BCR: variants seen among roughly 807,000 people sequenced by gnomAD.
The protein encoded by BCR is BCR activator of RhoGEF and GTPase, also known as breakpoint cluster region protein.
In BCR, 58 loss-of-function variants were observed where a neutral mutation model predicts 138.6. The observed-to-expected ratio is 0.42, with a 90% CI of 0.34 to 0.52. BCR has a LOEUF of 0.52. BCR is among the 20% of genes least tolerant of loss of function. The pLI, the probability that BCR is intolerant of heterozygous loss-of-function variation, is 0.06. For missense variants in BCR, 1,599 were observed against 1,727.2 expected (o/e 0.93, Z 1.32); for synonymous variants, 786 against 730.1 (o/e 1.08, Z -1.23).
chr22:23,314,416 C>T, intron 21 of BCR, 136 bp from the exon 22 acceptor site: 1 of 1,043,780 alleles, frequency 9.6e-7, no homozygotes, highest in South Asian at 1.4e-5. Flanking sequence ...CCCAGAAGTA[C>T]CAGGGCTGGA....
At chr22:23,208,229 C>A (rs1446004449) in intron 1 of BCR, among the ~76,000 whole-genome samples, 3 of 152,114 alleles carry the variant, frequency 2.0e-5, no homozygotes, top group Non-Finnish European at 4.4e-5. Context: ...TGGAACCCAC[C>A]CGGCTGGCAG....
chr22:23,210,982 G>A lies in BCR; in HGVS notation c.1279+28743G>A, dbSNP rs543928200. Among the ~76,000 whole-genome samples the A allele has an allele frequency of 5.9e-5, 9 of 152,240 alleles. No homozygotes were observed. In the South Asian group the frequency reaches 1.9e-3, roughly 32 times the overall value. On this transcript the variant is annotated intron_variant, in intron 1 of 22. Coordinates refer to ENST00000305877, the MANE Select transcript of BCR (RefSeq NM_004327.4). ...GTGGTTAGTATTATCTCAGAGTTGT[G>A]CAGTCATCATCACTGTCTGATTGCA...
At chr22:23,218,907 C>G (rs962359691) in intron 1 of BCR, among the ~76,000 whole-genome samples, 4 of 152,138 alleles carry the variant, frequency 2.6e-5, no homozygotes, top group South Asian at 2.1e-4. Context: ...GGCCCCTTGC[C>G]GAGGGTGAGG....
intron 4 of BCR, chr22:23,263,220 C>CAGA: frequency 1.0e-6 from 1 of 978,700 alleles, no homozygotes. Context: ...GCTCTGGCGC[C>CAGA]TGCCGGAAGT....
At chr22:23,227,608 G>A (rs964608795) in intron 1 of BCR, among the ~76,000 whole-genome samples, 1 of 152,234 alleles carries the variant, frequency 6.6e-6, no homozygotes, top group African/African-American at 2.4e-5. Context: ...TGGTGACACA[G>A]GGCATTGGCC....
intron 1 of BCR, among the ~76,000 whole-genome samples, chr22:23,208,930 C>G (rs1417217499): frequency 6.6e-6 from 1 of 152,208 alleles, no homozygotes; most frequent in Non-Finnish European, 1.5e-5. Flanking sequence ...AACCACTGTT[C>G]TACTTTCTGT....
chr22:23,312,854 A>G (rs2074023434), intron 19 of BCR, 33 bp from the exon 20 acceptor site: 1 of 1,595,750 alleles, frequency 6.3e-7, no homozygotes, highest in Non-Finnish European at 8.5e-7. Flanking sequence ...CGGGATCCTC[A>G]AGGAGGCCGC....
chr22:23,289,480 A>C (rs1273952823), intron 12 of BCR, 37 bp from the exon 13 acceptor site: 2 of 1,561,840 alleles, frequency 1.3e-6, no homozygotes, highest in Admixed American at 3.3e-5. Flanking sequence ...CAAGGAGCAG[A>C]TTGACCAATT....
At position 23,180,932 on chromosome 22, in the gene BCR, C is replaced by T. The variant is rs772384988; in HGVS notation, c.-29C>T. 1.7e-6 allele frequency: 2 copies of T among 1,149,890 alleles called. No homozygotes were observed. The highest frequency in any genetic ancestry group is 2.2e-6 in the Non-Finnish European group (2 of 927,842). 71.2% of individuals were successfully genotyped at this position (1,149,890 alleles called of 1,614,324 possible). A position where few individuals can be genotyped will look rare whatever the true frequency, so the allele number is the denominator to read the frequency against. On this transcript the variant is annotated 5_prime_UTR_variant, in exon 1 of 23. Transcript: ENST00000305877. ...CGCTGAGACGGGCCCCGCGCGCAGC[C>T]CGGCGGCGCAGGTAAGGCCGGCCGC...
chr22:23,230,763 G>A (rs2072948537), intron 1 of BCR, among the ~76,000 whole-genome samples: 1 of 152,222 alleles, frequency 6.6e-6, no homozygotes, highest in Admixed American at 6.5e-5. Flanking sequence ...AAGATCTTTG[G>A]AAATGTCCAG....
intron 1 of BCR, among the ~76,000 whole-genome samples, chr22:23,249,954 C>T (rs577383677): frequency 1.3e-5 from 2 of 152,328 alleles, no homozygotes; most frequent in South Asian, 2.1e-4. Context: ...CTTGGAGTGT[C>T]CTAATTCCCC....
At chr22:23,223,492 A>G (rs2072852851) in intron 1 of BCR, among the ~76,000 whole-genome samples, 1 of 152,070 alleles carries the variant, frequency 6.6e-6, no homozygotes, top group African/African-American at 2.4e-5. Context: ...GCCTCTCAAG[A>G]TGAAATGAGA....
chr22:23,268,229 G>A (rs1487880909), intron 4 of BCR, among the ~76,000 whole-genome samples, 179 bp from the exon 5 acceptor site: 1 of 152,210 alleles, frequency 6.6e-6, no homozygotes, highest in Admixed American at 6.5e-5. Flanking sequence ...GAAGTGTGCT[G>A]GGTGCGTGGG....
intron 2 of BCR, among the ~76,000 whole-genome samples, chr22:23,258,169 T>C (rs1429091871): frequency 2.0e-5 from 3 of 152,284 alleles, no homozygotes; most frequent in Admixed American, 6.5e-5. Flanking sequence ...TATACACACA[T>C]ATACACAGGC....
chr22:23,195,956 GAAAT>G (rs1311831833), intron 1 of BCR, among the ~76,000 whole-genome samples: 2 of 152,106 alleles, frequency 1.3e-5, no homozygotes, highest in African/African-American at 4.8e-5. Flanking sequence ...ATTTTAAAGA[GAAAT>G]AAAAAAACAT....
At chr22:23,314,849 C>T in intron 22 of BCR, 135 bp downstream of exon 22, 1 of 1,186,210 alleles carries the variant, frequency 8.4e-7, no homozygotes, top group Non-Finnish European at 1.2e-6. Flanking sequence ...GAGGGACTTG[C>T]CTAGGTCTGC....
At chr22:23,194,557 C>T (rs1279162052) in intron 1 of BCR, among the ~76,000 whole-genome samples, 2 of 152,048 alleles carry the variant, frequency 1.3e-5, no homozygotes, top group African/African-American at 4.8e-5. Context: ...ACTGCAGGCG[C>T]CTGCCACAAC....
chr22:23,235,651 C>G (rs750506850), intron 1 of BCR, among the ~76,000 whole-genome samples: 1 of 152,140 alleles, frequency 6.6e-6, no homozygotes, highest in Non-Finnish European at 1.5e-5. Context: ...GGAGGGGTGT[C>G]TTAGTCACTT....
intron 2 of BCR, among the ~76,000 whole-genome samples, chr22:23,256,061 G>GCC (rs1193112975): frequency 2.0e-5 from 3 of 152,146 alleles, no homozygotes; most frequent in Non-Finnish European, 4.4e-5. Flanking sequence ...TGGTTTCCCT[G>GCC]CCAGCCATGC....
Sources: gnomAD v4.1 joint callset for allele counts (sites outside exome capture counted in the v4.1 genomes callset) on GRCh38, gnomAD v4.1.1 for gene constraint, MANE v1.5 for transcripts, NCBI Gene and HGNC (gene_info 2026-07-23, HGNC 2026-07-21) for gene names.